CA5A: variants seen among roughly 807,000 people sequenced by gnomAD.
CA5A encodes carbonic anhydrase 5A, also known as carbonic anhydrase 5A, mitochondrial.
A neutral mutation model predicts 37.1 loss-of-function variants in CA5A; 28 were observed. The observed-to-expected ratio is 0.75, with a 90% CI of 0.56 to 1.03. CA5A has a LOEUF of 1.03. Ranked by LOEUF, CA5A falls within the 50% of genes least tolerant of loss-of-function variation. The pLI, the probability that CA5A is intolerant of heterozygous loss-of-function variation, is 0.00. For missense variants in CA5A, 444 were observed against 399.9 expected, an observed-to-expected ratio of 1.11 and a Z score of -0.94; for synonymous variants, 171 against 158.4, an observed-to-expected ratio of 1.08 and a Z score of -0.60.
rs141860272 is a variant in CA5A, at chr16:87,911,928, C to T, written c.341-7024G>A. Among the ~76,000 whole-genome samples, 41 of 152,322 alleles carry T rather than the reference C, an allele frequency of 2.7e-4. No homozygotes were observed. Among genetic ancestry groups the T allele is most frequent in the Admixed American group, 1.3e-4 (2 of 15,300 alleles). The stretch of plus-strand genomic sequence containing the variant: ...TGATGCTTACAAAGTACCTCCCTCA[C>T]AGTCCCTGGCACGCAGTGAGAGCTC... On this transcript the variant is annotated intron_variant, in intron 2 of 6. Coordinates refer to ENST00000649794, the MANE Select transcript of CA5A (RefSeq NM_001739.2). This position sits in a 1 kb window ranked among gnomAD's most constrained non-coding sequence, Gnocchi z 4.6.
At chr16:87,890,747 C>G (rs1283134844) in intron 6 of CA5A, among the ~76,000 whole-genome samples, 3 of 152,216 alleles carry the variant, frequency 2.0e-5, no homozygotes, top group Non-Finnish European at 4.4e-5. Flanking sequence ...TCCCAAGTAG[C>G]TGGGATTACA....
chr16:87,929,655 G>C (rs12711484), intron 1 of CA5A, among the ~76,000 whole-genome samples: 2 of 151,614 alleles, frequency 1.3e-5, no homozygotes, highest in Non-Finnish European at 2.9e-5. Flanking sequence ...GGCGGATCAC[G>C]AGGTCAGGAG....
chr16:87,922,615 G>A (rs552161667), intron 2 of CA5A, among the ~76,000 whole-genome samples: 2 of 152,200 alleles, frequency 1.3e-5, no homozygotes, highest in African/African-American at 2.4e-5. Flanking sequence ...CTCCCGTGCC[G>A]ACCTCAAGGC....
At chr16:87,934,345 G>T (rs1400055513) in intron 1 of CA5A, among the ~76,000 whole-genome samples, 2 of 152,368 alleles carry the variant, frequency 1.3e-5, no homozygotes, top group Non-Finnish European at 2.9e-5. Flanking sequence ...GAGGCGGGCA[G>T]ATCACCTGAG....
intron 5 of CA5A, among the ~76,000 whole-genome samples, chr16:87,898,264 C>G (rs2055830479): frequency 6.6e-6 from 1 of 152,186 alleles, no homozygotes; most frequent in Admixed American, 6.5e-5. Context: ...GAAAGCAGCC[C>G]AGAAGCTGCA....
At chr16:87,897,456 G>T (rs1260826597) in intron 5 of CA5A, among the ~76,000 whole-genome samples, 2 of 150,554 alleles carry the variant, frequency 1.3e-5, no homozygotes, top group African/African-American at 4.9e-5. Flanking sequence ...TGCGTGCTGG[G>T]AGCTGAGTGC....
rs1356947876 is a variant in CA5A at position 87,936,354 on chromosome 16, A to C, written c.97T>G (p.Trp33Gly). 3 of 1,613,922 alleles carry C rather than the reference A, an allele frequency of 1.9e-6. No individual in the cohort carries two copies. In the African/African-American group the frequency reaches 4.0e-5, roughly 22 times the overall value. ...CATGCACAGGAACGCTGAGAACACC[A>C]TCGCCCTGGCCTCATCGAACGACTC... ...LWSRSMRPGR[W>G]CSQRSCAWQT... The change falls in exon 1 of 7, where the codon TGG becomes GGG. Residue 33 changes from tryptophan to glycine, a missense_variant. By Grantham distance (184) the Trp-to-Gly change is radical. Coordinates refer to ENST00000649794, the MANE Select transcript of CA5A (RefSeq NM_001739.2).
chr16:87,930,806 T>G (rs966938316), intron 1 of CA5A, among the ~76,000 whole-genome samples: 1 of 151,152 alleles, frequency 6.6e-6, no homozygotes, highest in African/African-American at 2.4e-5. Flanking sequence ...AGTGACGCGA[T>G]CTCAGCTCAC....
chr16:87,932,854 A>G lies in CA5A; in HGVS notation c.142+3455T>C, dbSNP rs185268686. Among the ~76,000 whole-genome samples, 525 of 152,260 alleles carry G rather than the reference A, an allele frequency of 3.4e-3. 2 individuals are homozygous for G. Among genetic ancestry groups the G allele is most frequent in the African/African-American group, 0.012 (481 of 41,560 alleles). ...CCCCTTGACCTCCATGGGAGGAGCT[A>G]TCCCCTCCCCCATTGTCACTAGGCT... On this transcript the variant is annotated intron_variant, in intron 1 of 6. Coordinates refer to ENST00000649794, the MANE Select transcript of CA5A (RefSeq NM_001739.2).
chr16:87,923,764 A>G (rs969157280), intron 2 of CA5A: 1 of 985,126 alleles, frequency 1.0e-6, no homozygotes. Flanking sequence ...TCAGTTATTA[A>G]AATATCAGTG....
intron 2 of CA5A, among the ~76,000 whole-genome samples, chr16:87,925,095 G>A (rs1209023594): frequency 6.6e-6 from 1 of 152,234 alleles, no homozygotes; most frequent in Non-Finnish European, 1.5e-5. Flanking sequence ...GGGAGCAACA[G>A]TGAGTGAGCA....
intron 2 of CA5A, among the ~76,000 whole-genome samples, chr16:87,922,779 T>A (rs531536068): frequency 6.6e-6 from 1 of 152,360 alleles, no homozygotes; most frequent in East Asian, 1.9e-4. Context: ...CCTGATGGCC[T>A]CCTGCTGGAT....
intron 5 of CA5A, chr16:87,892,174 G>T: frequency 6.5e-6 from 3 of 458,730 alleles, no homozygotes; most frequent in African/African-American, 4.1e-5. Flanking sequence ...TGGGAATTAC[G>T]TTACATTACA....
At chr16:87,924,344 A>AGG in intron 2 of CA5A, 1 of 981,624 alleles carries the variant, frequency 1.0e-6, no homozygotes, top group Non-Finnish European at 1.2e-6. Context: ...CACCTTCGAA[A>AGG]GGAGAGAGAG....
intron 2 of CA5A, chr16:87,923,536 G>GAGT (rs2056259453): frequency 1.3e-5 from 13 of 984,906 alleles, no homozygotes; most frequent in Non-Finnish European, 1.6e-5. Context: ...CTCCTTCTAG[G>GAGT]AGTAGTATCA....
chr16:87,932,296 A>G (rs2056418424), intron 1 of CA5A, among the ~76,000 whole-genome samples: 1 of 152,190 alleles, frequency 6.6e-6, no homozygotes, highest in Non-Finnish European at 1.5e-5. Context: ...CACTGATGCC[A>G]CAGAGGAGGT....
intron 5 of CA5A, 95 bp downstream of exon 5, chr16:87,901,809 ACTCCCAAC>A: frequency 1.1e-6 from 1 of 893,522 alleles, no homozygotes; most frequent in Non-Finnish European, 1.8e-6. Context: ...CTGGTCTCGA[ACTCCCAAC>A]CTCACGTGAT....
At chr16:87,927,437 C>T (rs2056328111) in intron 1 of CA5A, among the ~76,000 whole-genome samples, 1 of 152,168 alleles carries the variant, frequency 6.6e-6, no homozygotes, top group Non-Finnish European at 1.5e-5. Flanking sequence ...CTCTCCAAGC[C>T]CTCTGGCAAG....
At chr16:87,925,267 C>T (rs546216746) in intron 2 of CA5A, among the ~76,000 whole-genome samples, 35 of 152,298 alleles carry the variant, frequency 2.3e-4, no homozygotes, top group Admixed American at 9.2e-4. Context: ...AGCTAAGCTA[C>T]ATTCAGCAAA....
Sources: allele counts gnomAD v4.1 joint callset (sites outside exome capture counted in the v4.1 genomes callset), GRCh38; gene constraint gnomAD v4.1.1; non-coding constraint Gnocchi (gnomAD v3.1); transcripts MANE v1.5; gene names NCBI Gene and HGNC (gene_info 2026-07-23, HGNC 2026-07-21).